Variants in ERAP1 observed in about 807,000 individuals in gnomAD.
ERAP1 encodes the protein endoplasmic reticulum aminopeptidase 1.
Under a neutral mutation model 103.7 loss-of-function variants are expected in ERAP1, and 86 were observed. The observed-to-expected ratio is 0.83, with a 90% CI of 0.70 to 0.99. The LOEUF (loss-of-function observed/expected upper bound fraction) is 0.99, where lower values mean the gene tolerates loss of function less well. Ranked by LOEUF, ERAP1 falls within the 50% of genes least tolerant of loss-of-function variation. The probability of loss-of-function intolerance (pLI) is 0.00; values close to 1 mark genes in which losing one functional copy is unlikely to be tolerated. For synonymous variants in ERAP1, 398 were observed against 402.4 expected, an observed-to-expected ratio of 0.99 and a Z score of 0.13; for missense variants, 1,009 against 1,128.4, an observed-to-expected ratio of 0.89 and a Z score of 1.52.
the ERAP1 span, chr5:96,915,715 G>A: frequency 6.3e-7 from 1 of 1,594,052 alleles, no homozygotes; most frequent in Non-Finnish European, 8.5e-7. Flanking sequence ...ATGACATAAG[G>A]ATGATCATCT....
Position 96,774,727 on chromosome 5 carries a change from TG to T in ERAP1, c.*1668del. On this transcript the variant is annotated 3_prime_UTR_variant, in exon 19 of 19. Coordinates refer to ENST00000443439, the MANE Select transcript of ERAP1 (RefSeq NM_001040458.3). ...TTAAAAGAAGGGAAATAGTTTAGTT[TG>T]GGGTGGAAATTACCAGTGATTTCTA... The T allele has an allele frequency of 1.0e-6, 1 of 983,168 alleles. No individual in the cohort carries two copies. Among genetic ancestry groups the T allele is most frequent in the Non-Finnish European group, 1.2e-6 (1 of 827,748 alleles). The allele number at this position is 983,168 out of a possible 1,614,324, so 60.9% of individuals were successfully genotyped here. A position where few individuals can be genotyped will look rare whatever the true frequency, so the allele number is the denominator to read the frequency against.
the ERAP1 span, chr5:96,886,835 G>A: frequency 3.0e-6 from 4 of 1,346,584 alleles, no homozygotes; most frequent in Non-Finnish European, 3.9e-6. Flanking sequence ...AAAGTGTCCT[G>A]AGAGCAATGA....
the ERAP1 span, among the ~76,000 whole-genome samples, chr5:96,910,999 A>G: frequency 6.6e-6 from 1 of 152,238 alleles, no homozygotes; most frequent in African/African-American, 2.4e-5. Context: ...AATGAAAACA[A>G]TATGTATTAT....
At position 96,787,391 on chromosome 5, in the gene ERAP1, G is replaced by A. The variant is rs977551550; in HGVS notation, c.1680-842C>T. 2.1e-4 allele frequency among the ~76,000 whole-genome samples: 32 copies of A among 152,142 alleles called. 1 individual carries two copies. The highest frequency in any genetic ancestry group is 1.9e-3 in the Admixed American group (29 of 15,280). Reference sequence around the variant, plus strand: ...AGCGATTCTCCTGCCTCACCCTCCTGAGTAGCTGGGACTACAGGCGCCCGC... The same window carrying A: ...AGCGATTCTCCTGCCTCACCCTCCTAAGTAGCTGGGACTACAGGCGCCCGC... On this transcript the variant is annotated intron_variant, in intron 11 of 18. Coordinates refer to ENST00000443439, the MANE Select transcript of ERAP1 (RefSeq NM_001040458.3).
In ERAP1 at chr5:96,793,522, A is replaced by C. The variant is rs1206239938; in HGVS notation, c.1075-9T>G. On this transcript the variant is annotated splice_polypyrimidine_tract_variant and intron_variant, in intron 6 of 18. Coordinates refer to ENST00000443439, the MANE Select transcript of ERAP1 (RefSeq NM_001040458.3). ...ACCAGGTTCCCAAACCACTAAAAGC[A>C]CAACATAAGCCATAAACAAAGACAC... 6.3e-7 allele frequency: 1 copy of C among 1,593,864 alleles called. No homozygotes were observed.
the ERAP1 span, chr5:96,883,963 T>C: frequency 6.5e-7 from 1 of 1,548,002 alleles, no homozygotes; most frequent in Non-Finnish European, 8.7e-7. Context: ...TTAGAAATTG[T>C]TCTCAAGTTG....
chr5:96,922,693 G>C, the ERAP1 span, among the ~76,000 whole-genome samples: 36 of 152,318 alleles, frequency 2.4e-4, no homozygotes, highest in African/African-American at 7.2e-4. Context: ...GTCCGGGTGA[G>C]TTAACTTCAC....
the ERAP1 span, among the ~76,000 whole-genome samples, chr5:96,851,343 TC>T: frequency 1.1e-4 from 17 of 152,176 alleles, no homozygotes; most frequent in Admixed American, 1.1e-3. Flanking sequence ...ATCCCGTGTC[TC>T]CTTTCACAGG....
At chr5:96,919,565 T>C in the ERAP1 span, 1 of 152,410 alleles carries the variant, frequency 6.6e-6, no homozygotes, top group South Asian at 2.1e-4. Flanking sequence ...ATTTACAATA[T>C]TGTTAAATTG....
At chr5:96,902,226 C>A in the ERAP1 span, 3 of 1,308,732 alleles carry the variant, frequency 2.3e-6, no homozygotes, top group Non-Finnish European at 3.3e-6. Flanking sequence ...TGTGAAAAAT[C>A]ACAGCAGCAT....
chr5:96,865,498 AGGTAGAAATACTT>A, the ERAP1 span, among the ~76,000 whole-genome samples: 1 of 152,212 alleles, frequency 6.6e-6, no homozygotes, highest in Non-Finnish European at 1.5e-5. Context: ...CAAAATACCC[AGGTAGAAATACTT>A]GGTAGATAGT....
the ERAP1 span, among the ~76,000 whole-genome samples, chr5:96,897,151 T>A: frequency 8.5e-5 from 13 of 152,332 alleles, no homozygotes; most frequent in East Asian, 2.1e-3. Context: ...CTTTAAAATG[T>A]TGTAATTTCT....
rs1250610054 is a variant in ERAP1, at chr5:96,780,522, C to CA, written c.2589-19dup. On this transcript the variant is annotated intron_variant, in intron 17 of 18. Coordinates refer to ENST00000443439, the MANE Select transcript of ERAP1 (RefSeq NM_001040458.3). ...GTTCAAACCTAGAGAGGGAAATATT[C>CA]AAAAACGGGTTGTGAAATACTTATT... The CA allele has an allele frequency of 5.1e-6, 8 of 1,581,138 alleles. No homozygotes were observed. Among genetic ancestry groups the CA allele is most frequent in the Non-Finnish European group, 7.0e-6 (8 of 1,150,528 alleles).
At chr5:96,837,191 G>A in the ERAP1 span, among the ~76,000 whole-genome samples, 7 of 152,142 alleles carry the variant, frequency 4.6e-5, no homozygotes, top group Non-Finnish European at 8.8e-5. Flanking sequence ...TGTAGTATGA[G>A]TTTTAAATGT....
the ERAP1 span, among the ~76,000 whole-genome samples, chr5:96,893,207 A>C: frequency 6.6e-6 from 1 of 152,206 alleles, no homozygotes; most frequent in Admixed American, 6.5e-5. Context: ...ATTGGAGACT[A>C]TTCCCTCTAT....
At chr5:96,858,499 T>C in the ERAP1 span, among the ~76,000 whole-genome samples, 5 of 152,140 alleles carry the variant, frequency 3.3e-5, no homozygotes, top group African/African-American at 9.7e-5. Context: ...GCCTGGCCAA[T>C]TGTAAATTAT....
the ERAP1 span, among the ~76,000 whole-genome samples, chr5:96,889,864 G>T: frequency 6.9e-6 from 1 of 144,538 alleles, no homozygotes; most frequent in East Asian, 2.0e-4. Context: ...ACACACACAC[G>T]CATTGCATAT....
chr5:96,895,176 T>G, the ERAP1 span: 1 of 860,972 alleles, frequency 1.2e-6, no homozygotes, highest in Non-Finnish European at 1.8e-6. Flanking sequence ...TAGTAACTAT[T>G]GTATTTTTTG....
the ERAP1 span, among the ~76,000 whole-genome samples, chr5:96,836,818 G>C: frequency 2.0e-5 from 3 of 152,090 alleles, no homozygotes; most frequent in Admixed American, 6.5e-5. Context: ...TAAAAGATAC[G>C]TCATGTTAAA....
Sources: allele counts gnomAD v4.1 joint callset (sites outside exome capture counted in the v4.1 genomes callset), GRCh38; gene constraint gnomAD v4.1.1; transcripts MANE v1.5; gene names NCBI Gene and HGNC (gene_info 2026-07-23, HGNC 2026-07-21).